The following C2orf66 variants were observed in gnomAD, a reference collection of about 807,000 sequenced individuals.
C2orf66 encodes the protein uncharacterized protein C2orf66.
A neutral mutation model predicts 7.0 loss-of-function variants in C2orf66; 6 were observed. That is an observed-to-expected ratio of 0.86 (90% CI 0.47 to 1.69). C2orf66 has a LOEUF of 1.69. C2orf66 is among the 40% of genes most tolerant of loss of function. The pLI, the probability that C2orf66 is intolerant of heterozygous loss-of-function variation, is 0.01. For missense variants in C2orf66, 107 were observed against 112.0 expected (o/e 0.96, Z 0.20); for synonymous variants, 38 against 43.8 (o/e 0.87, Z 0.52).
chr2:196,824,113 T>G, the C2orf66 span, among the ~76,000 whole-genome samples: 1 of 152,218 alleles, frequency 6.6e-6, no homozygotes, highest in Non-Finnish European at 1.5e-5. Context: ...GGAAGTGAAC[T>G]AATATAATTA....
At chr2:196,829,851 C>T in the C2orf66 span, among the ~76,000 whole-genome samples, 1 of 152,042 alleles carries the variant, frequency 6.6e-6, no homozygotes, top group Admixed American at 6.5e-5. Flanking sequence ...GAGCCGAGAT[C>T]ACGCCACTGC....
the C2orf66 span, among the ~76,000 whole-genome samples, chr2:196,830,170 G>A: frequency 6.6e-6 from 1 of 151,978 alleles, no homozygotes; most frequent in South Asian, 2.1e-4. Flanking sequence ...TTGTTTCTAG[G>A]AGGCCTAGCA....
chr2:196,809,699 A>C (rs541876195), upstream of C2orf66: 10 of 197,222 alleles, frequency 5.1e-5, no homozygotes, highest in Non-Finnish European at 1.0e-4. Flanking sequence ...AAAAAACAAA[A>C]CCTTAAATTA....
At chr2:196,829,867 A>T in the C2orf66 span, among the ~76,000 whole-genome samples, 72 of 151,984 alleles carry the variant, frequency 4.7e-4, no homozygotes, top group Non-Finnish European at 8.4e-4. Context: ...ACTGCACTCC[A>T]GCCTGGGCAA....
rs1364980174 is a variant in C2orf66, at chr2:196,805,272, T to A, written c.*156A>T. On this transcript the variant is annotated 3_prime_UTR_variant, in exon 3 of 3. Coordinates refer to ENST00000342506, the MANE Select transcript of C2orf66 (RefSeq NM_213608.3). ...AGTTCCAGCGATTTATATGTAAATA[T>A]GGAAATGTGGAATAAAATCATTACA... 1 of 152,130 alleles carries A rather than the reference T, an allele frequency of 6.6e-6. No homozygotes were observed. Among genetic ancestry groups the A allele is most frequent in the African/African-American group, 2.4e-5 (1 of 41,444 alleles). 9.4% of individuals were successfully genotyped at this position (152,130 alleles called of 1,614,324 possible). A position where few individuals can be genotyped will look rare whatever the true frequency, so the allele number is the denominator to read the frequency against.
chr2:196,814,660 T>A, the C2orf66 span, among the ~76,000 whole-genome samples: 1 of 152,086 alleles, frequency 6.6e-6, no homozygotes, highest in Non-Finnish European at 1.5e-5. Context: ...CACCCTCACA[T>A]TCCCAGTGCC....
the C2orf66 span, among the ~76,000 whole-genome samples, chr2:196,819,859 G>T: frequency 1.3e-5 from 2 of 152,232 alleles, no homozygotes; most frequent in South Asian, 4.1e-4. Flanking sequence ...ATTTTAATAA[G>T]GAGGGGAGAG....
chr2:196,815,362 C>G, the C2orf66 span, among the ~76,000 whole-genome samples: 1 of 152,060 alleles, frequency 6.6e-6, no homozygotes, highest in Non-Finnish European at 1.5e-5. Flanking sequence ...CAACACAGCA[C>G]TAAGTAGATA....
chr2:196,818,067 A>C, the C2orf66 span, among the ~76,000 whole-genome samples: 2 of 152,370 alleles, frequency 1.3e-5, no homozygotes, highest in African/African-American at 4.8e-5. Context: ...AAGAGATTAA[A>C]GTAAGACAGG....
At chr2:196,827,032 AAAAAC>A in the C2orf66 span, among the ~76,000 whole-genome samples, 160 of 151,028 alleles carry the variant, frequency 1.1e-3, 1 homozygote, top group African/African-American at 2.8e-3. Flanking sequence ...ACTCTGTCTC[AAAAAC>A]AAAACAAAAC....
chr2:196,813,256 C>A (rs895960938), upstream of C2orf66, among the ~76,000 whole-genome samples: 1 of 152,042 alleles, frequency 6.6e-6, no homozygotes, highest in Non-Finnish European at 1.5e-5. Context: ...CAGAACAGAG[C>A]CCTCAGAAAT....
At chr2:196,829,501 A>C in the C2orf66 span, among the ~76,000 whole-genome samples, 1 of 151,740 alleles carries the variant, frequency 6.6e-6, no homozygotes, top group African/African-American at 2.4e-5. Context: ...AGGCAGGAGA[A>C]TCACTTGAAC....
chr2:196,810,321 C>T (rs1576049905), upstream of C2orf66: 1 of 152,154 alleles, frequency 6.6e-6, no homozygotes, highest in Admixed American at 6.5e-5. Context: ...GGAGATATGA[C>T]TTTTTCAAGT....
the C2orf66 span, among the ~76,000 whole-genome samples, chr2:196,823,912 C>A: frequency 1.3e-5 from 2 of 152,058 alleles, no homozygotes; most frequent in East Asian, 3.8e-4. Context: ...CTCAGAGATA[C>A]TTAGATATGG....
chr2:196,815,731 A>G, the C2orf66 span, among the ~76,000 whole-genome samples: 1 of 152,240 alleles, frequency 6.6e-6, no homozygotes, highest in Admixed American at 6.5e-5. Context: ...TTGTGGGGAA[A>G]TCATGCTAAT....
At chr2:196,817,734 T>TC in the C2orf66 span, among the ~76,000 whole-genome samples, 2 of 151,646 alleles carry the variant, frequency 1.3e-5, no homozygotes, top group Non-Finnish European at 2.9e-5. Flanking sequence ...TTTATAGACC[T>TC]CCCCCCAGGA....
chr2:196,807,429 C>T lies in C2orf66; in HGVS notation c.*14G>A, dbSNP rs899974172. 2.5e-6 allele frequency: 4 copies of T among 1,600,064 alleles called. No homozygotes were observed. Among genetic ancestry groups the T allele is most frequent in the African/African-American group, 1.4e-5 (1 of 74,028 alleles). On this transcript the variant is annotated 3_prime_UTR_variant, in exon 2 of 3. Coordinates refer to ENST00000342506, the MANE Select transcript of C2orf66 (RefSeq NM_213608.3). Reference sequence around the variant, plus strand: ...AATAAAGGGCCAACTTTTACCTGAGCTCAGAAGAAACTTTCAGCCTTTGAG... The same window carrying T: ...AATAAAGGGCCAACTTTTACCTGAGTTCAGAAGAAACTTTCAGCCTTTGAG...
chr2:196,823,626 C>CAAACAAAACAAAACAAAACAAAACA, the C2orf66 span, among the ~76,000 whole-genome samples: 411 of 150,480 alleles, frequency 2.7e-3, 2 homozygotes, highest in African/African-American at 9.4e-3. Flanking sequence ...GACCCTGTCT[C>CAAACAAAACAAAACAAAACAAAACA]AAACAAAACA....
chr2:196,821,633 C>T, the C2orf66 span, among the ~76,000 whole-genome samples: 45 of 152,224 alleles, frequency 3.0e-4, no homozygotes, highest in East Asian at 7.5e-3. Flanking sequence ...AAAGAGGCCA[C>T]ATCAGAATAT....
Sources: gnomAD v4.1 joint callset for allele counts (sites outside exome capture counted in the v4.1 genomes callset) on GRCh38, gnomAD v4.1.1 for gene constraint, MANE v1.5 for transcripts, NCBI Gene and HGNC (gene_info 2026-07-23, HGNC 2026-07-21) for gene names.